The following HERC2 variants were observed in gnomAD, a reference collection of about 807,000 sequenced individuals.
The protein encoded by HERC2 is E3 ubiquitin-protein ligase HERC2.
HERC2 carries 102 observed loss-of-function variants against 537.7 expected under a neutral mutation model. The observed-to-expected ratio is 0.19, with a 90% CI of 0.16 to 0.22. The LOEUF (loss-of-function observed/expected upper bound fraction) is 0.22. Among genes scored for constraint, HERC2 ranks in the 10% least tolerant of loss-of-function variants. The probability of loss-of-function intolerance (pLI) is 1.00; values close to 1 mark genes in which losing one functional copy is unlikely to be tolerated. For synonymous variants in HERC2, 2,224 were observed against 2,466.2 expected, an observed-to-expected ratio of 0.90 and a Z score of 2.91; for missense variants, 4,236 against 6,198.2, an observed-to-expected ratio of 0.68 and a Z score of 10.63.
Position 28,204,168 on chromosome 15 carries a change from A to G in HERC2, c.7213-1554T>C, listed in dbSNP as rs181050358. Reference sequence around the variant, plus strand: ...TAACGTCCAAAGAATCCAGAATGAAATAAGAATTCTCACATATGTGAAGGA... The same window carrying G: ...TAACGTCCAAAGAATCCAGAATGAAGTAAGAATTCTCACATATGTGAAGGA... On this transcript the variant is annotated intron_variant, in intron 45 of 92. Coordinates refer to ENST00000261609, the MANE Select transcript of HERC2 (RefSeq NM_004667.6). Among the ~76,000 whole-genome samples the G allele has an allele frequency of 4.9e-4, 74 of 152,254 alleles. 1 individual carries two copies. The highest frequency in any genetic ancestry group is 4.2e-3 in the Admixed American group (65 of 15,300).
At chr15:28,179,244 C>CA (rs577769279) in intron 57 of HERC2, 21 bp from the exon 58 acceptor site, 12,092 of 1,286,132 alleles carry the variant, frequency 9.4e-3, no homozygotes, top group Middle Eastern at 0.019. Context: ...ATTTTTTTAA[C>CA]AAAAAAAAAA....
chr15:28,293,736 C>T (rs1040128112), intron 3 of HERC2, among the ~76,000 whole-genome samples: 1 of 152,144 alleles, frequency 6.6e-6, no homozygotes, highest in African/African-American at 2.4e-5. Flanking sequence ...TTACAAGGCC[C>T]TACTCCACTG....
rs1897594622 is a variant in HERC2 at position 28,198,697 on chromosome 15, G to T, written c.7789C>A (p.Leu2597Met). The change falls in exon 49 of 93, where the codon CTG (leucine) becomes ATG (methionine). Residue 2597 changes from leucine (L) to methionine (M), a missense_variant. This residue lies in a region of HERC2 where 606 missense variants were observed against 884.5 expected (regional missense o/e 0.69). Coordinates refer to ENST00000261609, the MANE Select transcript of HERC2 (RefSeq NM_004667.6). Reference sequence around the variant, plus strand: ...AGATCATGCAATCCATCTCTGTCCAGCTTGATGACTTTGCCAACATCACCT... The same window carrying T: ...AGATCATGCAATCCATCTCTGTCCATCTTGATGACTTTGCCAACATCACCT... Reference protein sequence around the residue: ...CEGDVGKVIKLDRDGLHDLNV... With the variant: ...CEGDVGKVIKMDRDGLHDLNV... 1 of 1,613,978 alleles carries T rather than the reference G, an allele frequency of 6.2e-7. No individual in the cohort carries two copies.
Position 28,175,981 on chromosome 15 carries a change from T to C in HERC2, c.9687-325A>G, listed in dbSNP as rs142039662. Among the ~76,000 whole-genome samples the C allele has an allele frequency of 4.3e-3, 656 of 152,346 alleles. 6 individuals carry two copies. Among genetic ancestry groups the C allele is most frequent in the African/African-American group, 0.015 (621 of 41,584 alleles). ...TATCTGGTATACATCTTTCTCAAGC[T>C]GCCTCGGGTCATGACATTGGCACTA... On this transcript the variant is annotated intron_variant, in intron 63 of 92. Transcript: ENST00000261609.
chr15:28,315,407 G>A (rs2077055008), intron 2 of HERC2, among the ~76,000 whole-genome samples: 1 of 152,264 alleles, frequency 6.6e-6, no homozygotes, highest in Non-Finnish European at 1.5e-5. Context: ...TCAACCAAGA[G>A]GGACAGAGAG....
chr15:28,173,785 T>G (rs1469193693), intron 65 of HERC2, among the ~76,000 whole-genome samples: 4 of 138,942 alleles, frequency 2.9e-5, no homozygotes, highest in Non-Finnish European at 4.5e-5. Flanking sequence ...AGTGAGACCC[T>G]GTCTACAAAA....
intron 21 of HERC2, among the ~76,000 whole-genome samples, chr15:28,247,391 A>T (rs866252779): frequency 1.3e-5 from 2 of 150,528 alleles, no homozygotes; most frequent in South Asian, 4.2e-4. Flanking sequence ...TCTGCTCCAT[A>T]AAATCTTCAG....
intron 38 of HERC2, among the ~76,000 whole-genome samples, chr15:28,217,623 C>T (rs1438400321): frequency 6.6e-6 from 1 of 152,156 alleles, no homozygotes; most frequent in African/African-American, 2.4e-5. Context: ...TGTGCCTGTC[C>T]CCCAACTTCA....
intron 64 of HERC2, among the ~76,000 whole-genome samples, chr15:28,175,157 T>TTTA (rs1895139410): frequency 6.6e-6 from 1 of 151,970 alleles, no homozygotes; most frequent in Non-Finnish European, 1.5e-5. Flanking sequence ...TAGCTCTGTC[T>TTTA]CTAAAATGAG....
chr15:28,200,297 A>C (rs192634922), intron 48 of HERC2, among the ~76,000 whole-genome samples: 15 of 152,300 alleles, frequency 9.8e-5, no homozygotes, highest in African/African-American at 1.7e-4. Context: ...CGGGAGGCTG[A>C]GGCAGGAGAA....
At chr15:28,215,248 G>T (rs1899768542) in intron 39 of HERC2, among the ~76,000 whole-genome samples, 1 of 152,040 alleles carries the variant, frequency 6.6e-6, no homozygotes, top group Admixed American at 6.5e-5. Context: ...TTACAGCCAG[G>T]TAATTACACT....
intron 2 of HERC2, among the ~76,000 whole-genome samples, chr15:28,305,072 T>C (rs1319765190): frequency 1.4e-5 from 2 of 147,726 alleles, no homozygotes; most frequent in African/African-American, 5.0e-5. Context: ...TGCATAGTAT[T>C]CCATGGTGTA....
chr15:28,245,580 C>T (rs769505406), intron 23 of HERC2, among the ~76,000 whole-genome samples: 5 of 101,374 alleles, frequency 4.9e-5, no homozygotes, highest in Middle Eastern at 5.0e-3. Context: ...CACACACACA[C>T]ACACACACAC....
At chr15:28,258,841 C>A (rs1046040715) in intron 16 of HERC2, among the ~76,000 whole-genome samples, 1 of 151,872 alleles carries the variant, frequency 6.6e-6, no homozygotes, top group Non-Finnish European at 1.5e-5. Context: ...TCTAGGAAAA[C>A]TGACAAAGAA....
chr15:28,271,070 C>T (rs1301042209), intron 9 of HERC2, among the ~76,000 whole-genome samples: 4 of 152,092 alleles, frequency 2.6e-5, no homozygotes, highest in Admixed American at 6.6e-5. Flanking sequence ...TTGCTGTACA[C>T]GCATACACAA....
chr15:28,212,436 T>C lies in HERC2; in HGVS notation c.6925+9A>G, dbSNP rs1340393607. On this transcript the variant is annotated intron_variant, in intron 43 of 92. Coordinates refer to ENST00000261609, the MANE Select transcript of HERC2 (RefSeq NM_004667.6). ...GCAGCTATTTCATCAAGAAGCACCA[T>C]GTACTGACCTGCAAAGGCCTGTTTA... is the stretch of plus-strand genomic sequence containing the variant. 21 of 1,610,754 alleles carry C rather than the reference T, an allele frequency of 1.3e-5. No homozygotes were observed. The highest frequency in any genetic ancestry group is 2.2e-5 in the East Asian group (1 of 44,808).
chr15:28,153,968 C>T (rs533600707), intron 69 of HERC2, among the ~76,000 whole-genome samples: 42 of 152,298 alleles, frequency 2.8e-4, no homozygotes, highest in African/African-American at 9.4e-4. Flanking sequence ...CCCAACACAG[C>T]TGCCCCTGCT....
In HERC2 at chr15:28,152,834, G is replaced by A. The variant is rs374553780; in HGVS notation, c.10747-4C>T. 62 of 1,561,374 alleles carry A rather than the reference G, an allele frequency of 4.0e-5. No individual in the cohort carries two copies. The African/African-American group carries it at 6.8e-4, about 17-fold the overall frequency. On this transcript the variant is annotated splice_polypyrimidine_tract_variant and splice_region_variant and intron_variant, in intron 69 of 92. Coordinates refer to ENST00000261609, the MANE Select transcript of HERC2 (RefSeq NM_004667.6). Reference sequence around the variant, plus strand: ...GCTCCAACAGCATATCTGCCACCTGGAGAGGAAGCAAGGACATGAATGAGG... The same window carrying A: ...GCTCCAACAGCATATCTGCCACCTGAAGAGGAAGCAAGGACATGAATGAGG...
chr15:28,124,153 C>A lies in HERC2; in HGVS notation c.13072G>T (p.Glu4358Ter), dbSNP rs1334620543. 6.3e-7 allele frequency: 1 copy of A among 1,591,768 alleles called. No homozygotes were observed. Among genetic ancestry groups the A allele is most frequent in the South Asian group, 1.1e-5 (1 of 87,976 alleles). The change falls in exon 85 of 93, where the codon GAG becomes TAG. Residue 4358 changes from glutamate to a stop codon, truncating the protein, a stop_gained. Transcript: ENST00000261609. LOFTEE classifies it high-confidence loss of function. ...ATGGGGATGCAGGGGCAGAAGAGCT[C>A]GGAGAGGTGGTGCAGCAGCAGCAGA... Reference protein sequence around the residue: ...NRLLLLHHLSELFCPCIPMFD... With the variant: ...NRLLLLHHLS
Sources: gnomAD v4.1 joint callset for allele counts (sites outside exome capture counted in the v4.1 genomes callset) on GRCh38, gnomAD v4.1.1 for gene constraint, gnomAD v4.1.1 regional missense constraint, MANE v1.5 for transcripts, NCBI Gene and HGNC (gene_info 2026-07-23, HGNC 2026-07-21) for gene names.